MRTFA: variants seen among roughly 807,000 people sequenced by gnomAD.
MRTFA encodes myocardin related transcription factor A.
Under a neutral mutation model 83.5 loss-of-function variants are expected in MRTFA, and 20 were observed. The observed-to-expected ratio is 0.24, with a 90% CI of 0.17 to 0.35. The LOEUF (loss-of-function observed/expected upper bound fraction) is 0.35. MRTFA is among the 10% of genes least tolerant of loss of function. The pLI is 1.00. For missense variants in MRTFA, 1,200 were observed against 1,224.7 expected, an observed-to-expected ratio of 0.98 and a Z score of 0.30; for synonymous variants, 659 against 541.2, an observed-to-expected ratio of 1.22 and a Z score of -3.02.
At chr22:40,494,923 T>C (rs2147208789) in intron 3 of MRTFA, among the ~76,000 whole-genome samples, 1 of 152,194 alleles carries the variant, frequency 6.6e-6, no homozygotes, top group East Asian at 1.9e-4. Flanking sequence ...TGGGAGGTGA[T>C]GGAAATAATC....
At chr22:40,597,421 C>T (rs1383429599) in intron 1 of MRTFA, among the ~76,000 whole-genome samples, 1 of 152,206 alleles carries the variant, frequency 6.6e-6, no homozygotes, top group Non-Finnish European at 1.5e-5. Flanking sequence ...CCAACTAAGA[C>T]ATAAATGAAA....
Position 40,411,475 on chromosome 22 carries a change from G to A in MRTFA, c.3011C>T (p.Pro1004Leu), listed in dbSNP as rs1394511886. The A allele has an allele frequency of 6.2e-7, 1 of 1,605,892 alleles. No homozygotes were observed. The change falls in exon 15 of 15, where the codon CCC becomes CTC. Residue 1004 changes from proline (P) to leucine (L), a missense_variant. By Grantham distance (98) the Pro-to-Leu change is moderately conservative (BLOSUM62 -3). Coordinates refer to ENST00000355630, the MANE Select transcript of MRTFA (RefSeq NM_020831.6). ...GAGGCTGGGGGCTGTGGTGCTGAGGGGGGCTAGGCTCAGCACGGGACCACC... is the reference window on the plus strand; with the variant it reads ...GAGGCTGGGGGCTGTGGTGCTGAGGAGGGCTAGGCTCAGCACGGGACCACC...
chr22:40,415,943 C>CA (rs2052670484), intron 14 of MRTFA, among the ~76,000 whole-genome samples: 1 of 152,184 alleles, frequency 6.6e-6, no homozygotes, highest in Non-Finnish European at 1.5e-5. Context: ...TCTGCTCCCC[C>CA]ACCTCACACC....
chr22:40,602,315 A>G (rs1215671887), intron 1 of MRTFA, among the ~76,000 whole-genome samples: 1 of 152,218 alleles, frequency 6.6e-6, no homozygotes, highest in South Asian at 2.1e-4. Flanking sequence ...CATGTGTGCT[A>G]AGTACTTCAA....
intron 3 of MRTFA, among the ~76,000 whole-genome samples, chr22:40,545,399 G>GC (rs1225270579): frequency 6.6e-6 from 1 of 151,726 alleles, no homozygotes; most frequent in Non-Finnish European, 1.5e-5. Context: ...ACTGCCTACT[G>GC]CCCCACAGGT....
At chr22:40,512,644 AGAAATTG>A (rs928089296) in intron 3 of MRTFA, among the ~76,000 whole-genome samples, 1 of 152,220 alleles carries the variant, frequency 6.6e-6, no homozygotes, top group Non-Finnish European at 1.5e-5. Flanking sequence ...CCAGTAAGGG[AGAAATTG>A]GAAAAAGCAG....
Position 40,524,313 on chromosome 22 carries a change from A to G in MRTFA, c.241+27793T>C, listed in dbSNP as rs139302817. ...CCTGGCTCAAAAATAAAAGCTACAC[A>G]AAAAAATAATTAAAACATTGTATAC... is the stretch of plus-strand genomic sequence containing the variant. On this transcript the variant is annotated intron_variant, in intron 3 of 14. Coordinates refer to ENST00000355630, the MANE Select transcript of MRTFA (RefSeq NM_020831.6). Among the ~76,000 whole-genome samples, 806 of 152,280 alleles carry G rather than the reference A, an allele frequency of 5.3e-3. 6 individuals carry two copies. Among genetic ancestry groups the G allele is most frequent in the African/African-American group, 0.018 (736 of 41,562 alleles).
Position 40,514,546 on chromosome 22 carries a change from T to G in MRTFA, c.241+37560A>C, listed in dbSNP as rs887524491. 2.0e-5 allele frequency among the ~76,000 whole-genome samples: 3 copies of G among 148,082 alleles called. No individual in the cohort carries two copies. The Admixed American group carries it at 2.0e-4, about 10-fold the overall frequency. The stretch of plus-strand genomic sequence containing the variant: ...CTGGAGTGCGATGGCATGAACTTGG[T>G]GCACTGCAAGCTCCACCTCCCGGGT... On this transcript the variant is annotated intron_variant, in intron 3 of 14. Transcript: ENST00000355630.
At chr22:40,596,000 G>A (rs567526025) in intron 1 of MRTFA, among the ~76,000 whole-genome samples, 27 of 149,148 alleles carry the variant, frequency 1.8e-4, no homozygotes, top group African/African-American at 6.7e-4. Flanking sequence ...TGGCCCTGAA[G>A]CCTTTCATAA....
At chr22:40,527,560 A>C (rs904795966) in intron 3 of MRTFA, among the ~76,000 whole-genome samples, 14 of 151,998 alleles carry the variant, frequency 9.2e-5, no homozygotes, top group Non-Finnish European at 1.5e-5. Flanking sequence ...GATCGAGACT[A>C]TCCTGGCTAA....
intron 3 of MRTFA, among the ~76,000 whole-genome samples, chr22:40,473,446 A>T (rs775182460): frequency 3.3e-5 from 5 of 152,184 alleles, no homozygotes; most frequent in Non-Finnish European, 5.9e-5. Flanking sequence ...GGTGTGAGCC[A>T]CTGTACCCAG....
intron 1 of MRTFA, among the ~76,000 whole-genome samples, chr22:40,612,779 C>G (rs2056401786): frequency 6.6e-6 from 1 of 152,176 alleles, no homozygotes. Flanking sequence ...AAGGCTCTGT[C>G]TCTACAAAAC....
At chr22:40,580,300 G>A (rs1268778639) in intron 2 of MRTFA, among the ~76,000 whole-genome samples, 1 of 152,106 alleles carries the variant, frequency 6.6e-6, no homozygotes, top group Non-Finnish European at 1.5e-5. Flanking sequence ...CTGGGCTCAA[G>A]CATTCCTCCC....
chr22:40,412,146 A>C, intron 14 of MRTFA: 9 of 348,926 alleles, frequency 2.6e-5, no homozygotes, highest in Non-Finnish European at 2.0e-5. Context: ...AACAACAAAA[A>C]ACCAAACTTG....
Position 40,461,204 on chromosome 22 carries a change from CAAAAAAAAA to C in MRTFA, c.307+2008_307+2016del, listed in dbSNP as rs55733153. 6.5e-3 allele frequency among the ~76,000 whole-genome samples: 326 copies of C among 50,296 alleles called. 3 individuals are homozygous for C. Among genetic ancestry groups the C allele is most frequent in the African/African-American group, 0.027 (289 of 10,620 alleles). The allele number at this position is 50,296 out of a possible 152,430, so 33.0% of individuals were successfully genotyped here. A position where few individuals can be genotyped will look rare whatever the true frequency, so the allele number is the denominator to read the frequency against. ...TGGATGACAGAGCAAGAACTTGTCT[CAAAAAAAAA>C]AAAAAAAAAAAAAAAAAAGTTAAAA... On this transcript the variant is annotated intron_variant, in intron 4 of 14. Transcript: ENST00000355630.
At chr22:40,510,041 T>C (rs2054642429) in intron 3 of MRTFA, among the ~76,000 whole-genome samples, 1 of 134,872 alleles carries the variant, frequency 7.4e-6, no homozygotes, top group African/African-American at 2.8e-5. Context: ...CCAGTGGGAG[T>C]ACAGAACCCA....
At chr22:40,533,711 A>C in intron 3 of MRTFA, 4 of 885,516 alleles carry the variant, frequency 4.5e-6, no homozygotes, top group Non-Finnish European at 6.0e-6. Context: ...GCTGTCTTGA[A>C]AGCTTTCACA....
rs537543738 is a variant in MRTFA at position 40,480,158 on chromosome 22, A to G, written c.242-16872T>C. On this transcript the variant is annotated intron_variant, in intron 3 of 14. Coordinates refer to ENST00000355630, the MANE Select transcript of MRTFA (RefSeq NM_020831.6). ...TTTAGACCGATTAAGCAACTTGCTC[A>G]AGGTCATAAAGTAAAAGGTAGAGCA... Among the ~76,000 whole-genome samples, 15 of 152,328 alleles carry G rather than the reference A, an allele frequency of 9.8e-5. No homozygotes were observed. The East Asian group carries it at 2.9e-3, about 29-fold the overall frequency.
chr22:40,419,381 C>G lies in MRTFA; in HGVS notation c.1357G>C (p.Ala453Pro). ...AACTTCAGCTCCTGCTTCAGCTCTG[C>G]CACCTGCAAGGCAGTCAAGAGTCAG... The change falls in exon 12 of 15, where the codon GCA (alanine) becomes CCA (proline). Residue 453 changes from alanine to proline, a missense_variant. Physicochemically the swap from Ala to Pro is conservative, Grantham distance 27 (BLOSUM62 -1). Around this residue, in one of 2 missense-constraint regions of MRTFA, gnomAD observed 1,107 missense variants for 1,041.8 expected, o/e 1.06. Coordinates refer to ENST00000355630, the MANE Select transcript of MRTFA (RefSeq NM_020831.6). The G allele has an allele frequency of 6.2e-7, 1 of 1,613,220 alleles. No homozygotes were observed. Among genetic ancestry groups the G allele is most frequent in the Non-Finnish European group, 8.5e-7 (1 of 1,179,952 alleles).
Sources: allele counts gnomAD v4.1 joint callset (sites outside exome capture counted in the v4.1 genomes callset), GRCh38; gene constraint gnomAD v4.1.1; regional missense constraint gnomAD v4.1.1; transcripts MANE v1.5; gene names NCBI Gene and HGNC (gene_info 2026-07-23, HGNC 2026-07-21).